The following TMOD2 variants were observed in gnomAD, a reference collection of about 807,000 sequenced individuals.
TMOD2 encodes the protein tropomodulin 2.
In TMOD2, 22 loss-of-function variants were observed where a neutral mutation model predicts 39.9. The observed-to-expected ratio is 0.55, with a 90% CI of 0.39 to 0.79. TMOD2 has a LOEUF of 0.79. TMOD2 is among the 30% of genes least tolerant of loss of function. The probability of loss-of-function intolerance (pLI) is 0.00; values close to 1 mark genes in which losing one functional copy is unlikely to be tolerated. For synonymous variants in TMOD2, 123 were observed against 146.1 expected (o/e 0.84, Z 1.14); for missense variants, 386 against 413.3 (o/e 0.93, Z 0.57).
chr15:51,766,789 A>C, intron 2 of TMOD2: 1 of 348,010 alleles, frequency 2.9e-6, no homozygotes, highest in Non-Finnish European at 5.2e-6. Flanking sequence ...CCCAATGTAA[A>C]TGGGGGGAAA....
chr15:51,770,451 C>T (rs2055845483), intron 3 of TMOD2, among the ~76,000 whole-genome samples: 1 of 152,220 alleles, frequency 6.6e-6, no homozygotes, highest in South Asian at 2.1e-4. Context: ...CAGCAACTGG[C>T]ATGGGAGGCA....
intron 4 of TMOD2, among the ~76,000 whole-genome samples, chr15:51,776,408 A>G (rs1481445544): frequency 6.6e-6 from 1 of 152,224 alleles, no homozygotes; most frequent in Non-Finnish European, 1.5e-5. Context: ...GCCGAAAATC[A>G]GTACGCTTAG....
At position 51,801,237 on chromosome 15, in the gene TMOD2, T is replaced by TCACACACA. The variant is rs546562505; in HGVS notation, c.876+2937_876+2944dup. ...CTCTCCCTCTCTCTCTCTCTCTCTC[T>TCACACACA]CACACACACACACACACACACACAC... On this transcript the variant is annotated intron_variant, in intron 8 of 9. Transcript: ENST00000249700. 7.4e-3 allele frequency among the ~76,000 whole-genome samples: 760 copies of TCACACACA among 102,114 alleles called. 13 individuals are homozygous for TCACACACA. The highest frequency in any genetic ancestry group is 0.019 in the African/African-American group (479 of 25,020). 67.0% of individuals were successfully genotyped at this position (102,114 alleles called of 152,430 possible). A position where few individuals can be genotyped will look rare whatever the true frequency, so the allele number is the denominator to read the frequency against.
At chr15:51,758,234 G>A (rs1365940617) in intron 1 of TMOD2, among the ~76,000 whole-genome samples, 1 of 151,896 alleles carries the variant, frequency 6.6e-6, no homozygotes, top group Non-Finnish European at 1.5e-5. Flanking sequence ...AACAGCTACT[G>A]TTACATAGTA....
chr15:51,777,420 A>C (rs187927801), intron 5 of TMOD2, among the ~76,000 whole-genome samples: 1 of 152,114 alleles, frequency 6.6e-6, no homozygotes, highest in Non-Finnish European at 1.5e-5. Flanking sequence ...TCCCTTCTCT[A>C]TTTGAGTGTC....
chr15:51,773,158 C>A (rs1241429597), intron 3 of TMOD2, among the ~76,000 whole-genome samples: 1 of 152,166 alleles, frequency 6.6e-6, no homozygotes, highest in Non-Finnish European at 1.5e-5. Flanking sequence ...ACACACCCAG[C>A]AGCATGACCT....
intron 1 of TMOD2, among the ~76,000 whole-genome samples, chr15:51,757,885 C>T (rs1264498898): frequency 1.3e-5 from 2 of 152,110 alleles, no homozygotes; most frequent in African/African-American, 2.4e-5. Context: ...GGCAATGTAG[C>T]GAGACCCTGT....
At chr15:51,767,142 C>G (rs1198058755) in intron 2 of TMOD2, 2 of 152,132 alleles carry the variant, frequency 1.3e-5, no homozygotes, top group African/African-American at 4.8e-5. Context: ...TCTCCTACCT[C>G]AGCCTCCCAG....
chr15:51,761,003 T>A (rs2055776921), intron 1 of TMOD2, among the ~76,000 whole-genome samples: 1 of 151,910 alleles, frequency 6.6e-6, no homozygotes. Flanking sequence ...AAACAGGAAG[T>A]GCAGGTTAAA....
rs2141647892 is a variant in TMOD2 at position 51,809,377 on chromosome 15, C to T, written c.*923C>T. ...ATTTTAGAAGCATTTATTGCTTTGT[C>T]TTTAGTGTAACAAGATCACTGGATT... On this transcript the variant is annotated 3_prime_UTR_variant, in exon 10 of 10. Coordinates refer to ENST00000249700, the MANE Select transcript of TMOD2 (RefSeq NM_014548.4). The T allele has an allele frequency of 6.5e-6, 1 of 152,706 alleles. No individual in the cohort carries two copies. The highest frequency in any genetic ancestry group is 1.9e-4 in the East Asian group (1 of 5,184). The allele number at this position is 152,706 out of a possible 1,614,324, so 9.5% of individuals were successfully genotyped here. A position where few individuals can be genotyped will look rare whatever the true frequency, so the allele number is the denominator to read the frequency against.
rs1246104361 is a variant in TMOD2, at chr15:51,798,218, G to A, written c.754G>A (p.Val252Ile). ...VAIAFADMLK[V>I]NKTLTSLNIE... Reference sequence around the variant, plus strand: ...TAAGGCTTTTGCAGACATGCTGAAAGTAAACAAGACCTTGACAAGTCTAAA... The same window carrying A: ...TAAGGCTTTTGCAGACATGCTGAAAATAAACAAGACCTTGACAAGTCTAAA... The change falls in exon 8 of 10, where the codon GTA becomes ATA. Residue 252 changes from valine to isoleucine, a missense_variant. Val to Ile is a conservative substitution (Grantham distance 29). Coordinates refer to ENST00000249700, the MANE Select transcript of TMOD2 (RefSeq NM_014548.4). The A allele has an allele frequency of 1.2e-6, 2 of 1,606,212 alleles. No homozygotes were observed. The highest frequency in any genetic ancestry group is 1.3e-5 in the African/African-American group (1 of 74,430).
intron 5 of TMOD2, among the ~76,000 whole-genome samples, chr15:51,778,480 G>A: frequency 7.1e-6 from 1 of 141,016 alleles, no homozygotes; most frequent in East Asian, 2.0e-4. Flanking sequence ...AAAACTTAAA[G>A]TATAATAATA....
At chr15:51,765,825 C>T (rs1177258652) in intron 1 of TMOD2, among the ~76,000 whole-genome samples, 3 of 152,174 alleles carry the variant, frequency 2.0e-5, no homozygotes, top group Non-Finnish European at 4.4e-5. Context: ...AGTTTAATTG[C>T]AGGGGAGTTA....
chr15:51,806,567 G>A (rs1030119153), intron 9 of TMOD2, 46 bp downstream of exon 9: 17 of 1,606,036 alleles, frequency 1.1e-5, no homozygotes, highest in Non-Finnish European at 1.3e-5. Context: ...AAGAGCATGA[G>A]CATTCACTTC....
rs892751148 is a variant in TMOD2 at position 51,809,170 on chromosome 15, T to G, written c.*716T>G. 16 of 152,676 alleles carry G rather than the reference T, an allele frequency of 1.0e-4. No individual in the cohort carries two copies. The highest frequency in any genetic ancestry group is 3.6e-4 in the African/African-American group (15 of 41,468). 9.5% of individuals were successfully genotyped at this position (152,676 alleles called of 1,614,324 possible). A position where few individuals can be genotyped will look rare whatever the true frequency, so the allele number is the denominator to read the frequency against. ...ACTTTTACTGACTATTCAACATAAA[T>G]TGAATCTTTAACATGACTTTAAAGG... On this transcript the variant is annotated 3_prime_UTR_variant, in exon 10 of 10. Transcript: ENST00000249700.
intron 1 of TMOD2, among the ~76,000 whole-genome samples, chr15:51,755,644 G>A (rs1442310995): frequency 2.6e-5 from 4 of 152,122 alleles, no homozygotes; most frequent in Non-Finnish European, 5.9e-5. Context: ...CTATTCAAGC[G>A]GTGTGCATGG....
intron 1 of TMOD2, among the ~76,000 whole-genome samples, chr15:51,762,621 C>A (rs1191800753): frequency 6.6e-6 from 1 of 152,070 alleles, no homozygotes; most frequent in Non-Finnish European, 1.5e-5. Context: ...ATGTGTGAAA[C>A]CATCACCACA....
At chr15:51,800,493 G>A (rs953192564) in intron 8 of TMOD2, among the ~76,000 whole-genome samples, 4 of 152,034 alleles carry the variant, frequency 2.6e-5, no homozygotes, top group African/African-American at 9.7e-5. Context: ...CCAAGATCAT[G>A]CCACTGCACT....
intron 2 of TMOD2, 23 bp from the exon 3 acceptor site, chr15:51,768,239 T>A: frequency 6.2e-7 from 1 of 1,613,912 alleles, no homozygotes; most frequent in Non-Finnish European, 8.5e-7. Flanking sequence ...TCTTCCTTCC[T>A]GCTCACACCT....
Sources: gnomAD v4.1 joint callset for allele counts (sites outside exome capture counted in the v4.1 genomes callset) on GRCh38, gnomAD v4.1.1 for gene constraint, MANE v1.5 for transcripts, NCBI Gene and HGNC (gene_info 2026-07-23, HGNC 2026-07-21) for gene names.